The following ATXN1 variants were observed in gnomAD, a reference collection of about 807,000 sequenced individuals.
The protein encoded by ATXN1 is ataxin-1.
In ATXN1, 8 loss-of-function variants were observed where a neutral mutation model predicts 56.4. The ratio of observed to expected loss-of-function variants is 0.14; its 90% CI spans 0.08 to 0.26. The LOEUF (loss-of-function observed/expected upper bound fraction) is 0.26. Ranked by LOEUF, ATXN1 falls within the 10% of genes least tolerant of loss-of-function variation. ATXN1 has a pLI of 1.00. For synonymous variants in ATXN1, 514 were observed against 494.6 expected (o/e 1.04, Z -0.52); for missense variants, 987 against 1,106.5 (o/e 0.89, Z 1.53).
intron 3 of ATXN1, among the ~76,000 whole-genome samples, chr6:16,632,749 G>GGCTCACATCTGTAGTC (rs1255957730): frequency 2.6e-5 from 4 of 152,108 alleles, no homozygotes; most frequent in Non-Finnish European, 5.9e-5. Context: ...AATTGGGCCA[G>GGCTCACATCTGTAGTC]GCTCACATCT....
chr6:16,405,149 C>G (rs533803025), intron 6 of ATXN1, among the ~76,000 whole-genome samples: 14 of 152,302 alleles, frequency 9.2e-5, no homozygotes, highest in Non-Finnish European at 1.9e-4. Context: ...CATCAGTGCT[C>G]CTCAGCACAC....
chr6:16,627,529 C>A (rs1262660425), intron 3 of ATXN1, among the ~76,000 whole-genome samples: 1 of 152,130 alleles, frequency 6.6e-6, no homozygotes, highest in Non-Finnish European at 1.5e-5. Context: ...GAGTTTGAGA[C>A]CTGCCTGGCC....
chr6:16,695,613 T>C (rs1316127694), intron 2 of ATXN1, among the ~76,000 whole-genome samples: 1 of 152,210 alleles, frequency 6.6e-6, no homozygotes, highest in African/African-American at 2.4e-5. Flanking sequence ...AGGCCTGTCT[T>C]TCCTCCTTGC....
chr6:16,383,551 T>C (rs9477102), intron 6 of ATXN1, among the ~76,000 whole-genome samples: 3,108 of 152,308 alleles, frequency 0.02, 103 homozygotes, highest in African/African-American at 0.07. Context: ...TCTTAAAATA[T>C]AAGTTGCCCT....
intron 6 of ATXN1, among the ~76,000 whole-genome samples, chr6:16,353,245 G>A (rs1422451875): frequency 1.3e-5 from 2 of 152,162 alleles, no homozygotes; most frequent in African/African-American, 4.8e-5. Context: ...TAAACTAAAG[G>A]AGGTGTCTCA....
chr6:16,455,375 A>G (rs1230624952), intron 6 of ATXN1, among the ~76,000 whole-genome samples: 3 of 152,172 alleles, frequency 2.0e-5, no homozygotes, highest in Admixed American at 2.0e-4. Context: ...AACACAAGAT[A>G]CCACCTATGA....
chr6:16,457,410 G>T (rs1759899268), intron 6 of ATXN1, among the ~76,000 whole-genome samples: 2 of 151,924 alleles, frequency 1.3e-5, no homozygotes, highest in Non-Finnish European at 2.9e-5. Context: ...ACTGCAGGCG[G>T]TTTTTTCTTT....
chr6:16,610,697 GA>G (rs1763088799), intron 3 of ATXN1, among the ~76,000 whole-genome samples: 1 of 152,066 alleles, frequency 6.6e-6, no homozygotes, highest in South Asian at 2.1e-4. Context: ...AAACAATAAA[GA>G]AAAGGGGTAG....
At chr6:16,472,072 A>G (rs549697359) in intron 6 of ATXN1, among the ~76,000 whole-genome samples, 1 of 152,220 alleles carries the variant, frequency 6.6e-6, no homozygotes, top group Non-Finnish European at 1.5e-5. Context: ...GAATGGTTAC[A>G]GCGCTTAAGG....
intron 6 of ATXN1, among the ~76,000 whole-genome samples, chr6:16,480,478 C>A (rs1263691574): frequency 1.3e-5 from 2 of 152,048 alleles, no homozygotes; most frequent in Non-Finnish European, 2.9e-5. Flanking sequence ...ACCCATCGTC[C>A]CTTTCGGTAC....
chr6:16,558,230 G>T (rs1762048131), intron 4 of ATXN1, among the ~76,000 whole-genome samples: 1 of 149,510 alleles, frequency 6.7e-6, no homozygotes, highest in African/African-American at 2.5e-5. Flanking sequence ...GAGCCCAGGA[G>T]TTCCAGGTTG....
At chr6:16,568,724 TC>T (rs1561759056) in intron 4 of ATXN1, among the ~76,000 whole-genome samples, 1 of 152,110 alleles carries the variant, frequency 6.6e-6, no homozygotes, top group East Asian at 1.9e-4. Context: ...AAATGCTTCA[TC>T]CCAGCCCATA....
chr6:16,592,174 C>G (rs928003621), intron 3 of ATXN1, among the ~76,000 whole-genome samples: 1 of 152,126 alleles, frequency 6.6e-6, no homozygotes, highest in South Asian at 2.1e-4. Context: ...GAGAGCTCTG[C>G]CCCCCTCCCA....
intron 6 of ATXN1, among the ~76,000 whole-genome samples, chr6:16,338,189 T>C (rs1322634796): frequency 6.6e-6 from 1 of 152,178 alleles, no homozygotes; most frequent in African/African-American, 2.4e-5. Flanking sequence ...ACCTATGTTA[T>C]CCATTTTTAA....
rs1760228611 is a variant in ATXN1 at position 16,305,752 on chromosome 6, T to C, written c.*577A>G. On this transcript the variant is annotated 3_prime_UTR_variant, in exon 8 of 8. Transcript: ENST00000436367. ...AAATGTTCTTTTAAATGGTTAACTT[T>C]CCAAATCTGCCATCTGACGCGTCTC... 6.5e-6 allele frequency: 1 copy of C among 152,758 alleles called. No homozygotes were observed. The allele number at this position is 152,758 out of a possible 1,614,324, so 9.5% of individuals were successfully genotyped here. A position where few individuals can be genotyped will look rare whatever the true frequency, so the allele number is the denominator to read the frequency against.
chr6:16,419,296 T>C (rs1758981301), intron 6 of ATXN1, among the ~76,000 whole-genome samples: 1 of 152,218 alleles, frequency 6.6e-6, no homozygotes, highest in South Asian at 2.1e-4. Flanking sequence ...TTTAGCACAG[T>C]GCTTGGCACA....
At chr6:16,583,032 C>T (rs1762556087) in intron 4 of ATXN1, among the ~76,000 whole-genome samples, 1 of 152,212 alleles carries the variant, frequency 6.6e-6, no homozygotes, top group South Asian at 2.1e-4. Context: ...CCTCTATGAA[C>T]TTATTAATTT....
chr6:16,742,861 C>T (rs938263655), intron 2 of ATXN1, among the ~76,000 whole-genome samples: 6 of 152,160 alleles, frequency 3.9e-5, no homozygotes, highest in African/African-American at 1.4e-4. Context: ...CCATGTGGTA[C>T]CTTAACCTAA....
At chr6:16,615,124 T>G (rs1763183880) in intron 3 of ATXN1, 1 of 147,958 alleles carries the variant, frequency 6.8e-6, no homozygotes, top group Admixed American at 6.8e-5. Context: ...TGGGGACAGG[T>G]AATTTCAAAG....
Sources: gnomAD v4.1 joint callset for allele counts (sites outside exome capture counted in the v4.1 genomes callset) on GRCh38, gnomAD v4.1.1 for gene constraint, MANE v1.5 for transcripts, NCBI Gene and HGNC (gene_info 2026-07-23, HGNC 2026-07-21) for gene names.